ERG: variants seen among roughly 807,000 people sequenced by gnomAD.
ERG encodes ETS transcription factor ERG, also known as transcriptional regulator ERG.
Under a neutral mutation model 55.3 loss-of-function variants are expected in ERG, and 9 were observed. The ratio of observed to expected loss-of-function variants is 0.16; its 90% CI spans 0.10 to 0.28. ERG has a LOEUF of 0.28. ERG is among the 10% of genes least tolerant of loss of function. The pLI, the probability that ERG is intolerant of heterozygous loss-of-function variation, is 1.00. For missense variants in ERG, 434 were observed against 631.6 expected (o/e 0.69, Z 3.35); for synonymous variants, 223 against 237.3 (o/e 0.94, Z 0.55).
rs370560569 is a variant in ERG at position 38,431,850 on chromosome 21, G to A, written c.237-8289C>T. ...AAGACCATCCCGCACCGTGCCAGGC[G>A]TAGCTGGTGGCAGAGCAGGACGCTC... is the stretch of plus-strand genomic sequence containing the variant. On this transcript the variant is annotated intron_variant, in intron 2 of 9. Transcript: ENST00000288319. Among the ~76,000 whole-genome samples the A allele has an allele frequency of 1.2e-4, 19 of 152,314 alleles. No homozygotes were observed. The East Asian group carries it at 1.5e-3, about 12-fold the overall frequency.
At chr21:38,490,049 C>T (rs1420880937) in intron 1 of ERG, among the ~76,000 whole-genome samples, 6 of 152,156 alleles carry the variant, frequency 3.9e-5, no homozygotes, top group East Asian at 3.9e-4. Context: ...GTGCAGTGTC[C>T]GGTGAACTCA....
At chr21:38,607,591 G>C (rs146898998) in intron 1 of ERG, among the ~76,000 whole-genome samples, 1 of 151,866 alleles carries the variant, frequency 6.6e-6, no homozygotes, top group Non-Finnish European at 1.5e-5. Flanking sequence ...CCCAGATTGC[G>C]CTGCACCACT....
chr21:38,612,663 CTT>C lies in ERG; in HGVS notation c.-149-27720_-149-27719del, dbSNP rs869196064. On this transcript the variant is annotated intron_variant, in intron 1 of 10. Coordinates refer to the ERG transcript ENST00000398910. The stretch of plus-strand genomic sequence containing the variant: ...TTAGAATTATTTTCTTTGACATTTC[CTT>C]TTTTTTTTTTTTTTTGGAGACAGAG... 2.4e-3 allele frequency among the ~76,000 whole-genome samples: 328 copies of C among 137,858 alleles called. 1 individual carries two copies. The highest frequency in any genetic ancestry group is 7.7e-3 in the African/African-American group (290 of 37,468). The allele number at this position is 137,858 out of a possible 152,430, so 90.4% of individuals were successfully genotyped here.
At position 38,383,416 on chromosome 21, in the gene ERG, C is replaced by A; in HGVS notation, c.1427G>T (p.Gly476Val). Reference sequence around the variant, plus strand: ...TCCGCCAGGTCTTTAGTAGTAAGTGCCCAGATGAGAAGGCATATGGCTGGT... The same window carrying A: ...TCCGCCAGGTCTTTAGTAGTAAGTGACCAGATGAGAAGGCATATGGCTGGT... ...LPTSHMPSHL[G>V]TYY The change falls in exon 10 of 10, where the codon GGC becomes GTC. Residue 476 changes from glycine to valine, a missense_variant. By Grantham distance (109) the Gly-to-Val change is moderately radical (BLOSUM62 -3). Around this residue, in one of 5 missense-constraint regions of ERG, gnomAD observed 107 missense variants for 126.8 expected, o/e 0.84. Coordinates refer to ENST00000288319, the MANE Select transcript of ERG (RefSeq NM_182918.4). The surrounding 1 kb of genome is among the most constrained non-coding windows in gnomAD (Gnocchi z 5.7). 1 of 1,507,048 alleles carries A rather than the reference C, an allele frequency of 6.6e-7. No individual in the cohort carries two copies. 93.4% of individuals were successfully genotyped at this position (1,507,048 alleles called of 1,614,324 possible).
chr21:38,395,033 C>T (rs1205286134), intron 6 of ERG, among the ~76,000 whole-genome samples: 1 of 152,174 alleles, frequency 6.6e-6, no homozygotes, highest in Middle Eastern at 3.2e-3. Flanking sequence ...CATCCTCCCT[C>T]GAAAATAAGT....
At chr21:38,504,975 A>G (rs2059449341) in intron 2 of ERG, among the ~76,000 whole-genome samples, 1 of 152,260 alleles carries the variant, frequency 6.6e-6, no homozygotes, top group Non-Finnish European at 1.5e-5. Flanking sequence ...AAGTGGCACT[A>G]TAATAGCATT....
At chr21:38,418,131 C>T (rs930187387) in intron 3 of ERG, among the ~76,000 whole-genome samples, 1 of 152,038 alleles carries the variant, frequency 6.6e-6, no homozygotes, top group African/African-American at 2.4e-5. Context: ...AAAAATAATT[C>T]AAGTCTATTA....
intron 1 of ERG, among the ~76,000 whole-genome samples, chr21:38,627,939 T>C (rs1287827562): frequency 8.0e-6 from 1 of 125,730 alleles, no homozygotes; most frequent in East Asian, 2.2e-4. Flanking sequence ...AGGAGTTTTC[T>C]CTTCTTTTTT....
At chr21:38,529,675 A>G (rs67417358) in intron 2 of ERG, among the ~76,000 whole-genome samples, 17,584 of 152,242 alleles carry the variant, frequency 0.12, 1,222 homozygotes, top group East Asian at 0.2. Flanking sequence ...ATTAAGATAC[A>G]CATGGCTGGC....
rs1262343177 is a variant in ERG at position 38,380,624 on chromosome 21, T to C, written c.*2779A>G. The C allele has an allele frequency of 2.8e-6, 3 of 1,065,200 alleles. No homozygotes were observed. In the East Asian group the frequency reaches 1.5e-4, roughly 53 times the overall value. The allele number at this position is 1,065,200 out of a possible 1,614,324, so 66.0% of individuals were successfully genotyped here. ...ACCTGGAGGGGGCTTTGGAATTAGA[T>C]TACAACAGTAACAGAGAGTTAATGC... On this transcript the variant is annotated 3_prime_UTR_variant, in exon 10 of 10. Coordinates refer to ENST00000288319, the MANE Select transcript of ERG (RefSeq NM_182918.4).
At position 38,576,885 on chromosome 21, in the gene ERG, G is replaced by A. The variant is rs78857915; in HGVS notation, c.-126-1138C>T. Among the ~76,000 whole-genome samples, 759 of 152,172 alleles carry A rather than the reference G, an allele frequency of 5.0e-3. 5 individuals carry two copies. The highest frequency in any genetic ancestry group is 0.017 in the African/African-American group (724 of 41,486). On this transcript the variant is annotated intron_variant, in intron 1 of 8. Transcript: ENST00000398897. ...CTAGGGGGACCTCTCCCGTCATGGG[G>A]CCCCTCCTTCCAGGCTCCAGCCTCC...
At chr21:38,483,936 T>G (rs1452876725) in intron 1 of ERG, among the ~76,000 whole-genome samples, 1 of 152,198 alleles carries the variant, frequency 6.6e-6, no homozygotes, top group Non-Finnish European at 1.5e-5. Context: ...GCCACATCAC[T>G]GATTCATGCA....
At chr21:38,472,813 G>A (rs1370657354) in intron 1 of ERG, among the ~76,000 whole-genome samples, 1 of 152,198 alleles carries the variant, frequency 6.6e-6, no homozygotes, top group African/African-American at 2.4e-5. Context: ...GGCAATTCGT[G>A]CGCTTGGAGC....
chr21:38,376,909 A>C (rs1353772162), downstream of ERG, among the ~76,000 whole-genome samples: 2 of 152,234 alleles, frequency 1.3e-5, no homozygotes, highest in African/African-American at 4.8e-5. Context: ...CGCAGCAAGG[A>C]AATGGGAGGG....
At chr21:38,367,450 G>A in the ERG span, among the ~76,000 whole-genome samples, 1 of 152,136 alleles carries the variant, frequency 6.6e-6, no homozygotes, top group Non-Finnish European at 1.5e-5. Flanking sequence ...TGGAGAATTG[G>A]CTTTTGACAG....
At chr21:38,631,371 G>A (rs1013948705) in intron 1 of ERG, among the ~76,000 whole-genome samples, 1 of 151,946 alleles carries the variant, frequency 6.6e-6, no homozygotes, top group South Asian at 2.1e-4. Context: ...GAAAAAAAAA[G>A]GAATCAGGAA....
chr21:38,416,346 G>A (rs547261197), intron 3 of ERG, among the ~76,000 whole-genome samples: 142 of 152,318 alleles, frequency 9.3e-4, no homozygotes, highest in African/African-American at 3.1e-3. Context: ...CCTTCTTTTA[G>A]GATTCTACAC....
chr21:38,547,686 ATAAC>A (rs1318116937), intron 2 of ERG, among the ~76,000 whole-genome samples: 1 of 152,240 alleles, frequency 6.6e-6, no homozygotes, highest in Non-Finnish European at 1.5e-5. Flanking sequence ...CATAGACAAA[ATAAC>A]TAGGCATTTA....
intron 2 of ERG, among the ~76,000 whole-genome samples, chr21:38,525,024 G>A (rs1047701134): frequency 6.6e-6 from 1 of 152,180 alleles, no homozygotes. Flanking sequence ...TCTTAGAAGC[G>A]GGTGCTGCTT....
Sources: allele counts gnomAD v4.1 joint callset (sites outside exome capture counted in the v4.1 genomes callset), GRCh38; gene constraint gnomAD v4.1.1; regional missense constraint gnomAD v4.1.1; non-coding constraint Gnocchi (gnomAD v3.1); transcripts MANE v1.5; gene names NCBI Gene and HGNC (gene_info 2026-07-23, HGNC 2026-07-21).